The following URB2 variants were observed in gnomAD, a reference collection of about 807,000 sequenced individuals.
URB2 encodes unhealthy ribosome biogenesis protein 2 homolog.
Under a neutral mutation model 120.9 loss-of-function variants are expected in URB2, and 86 were observed. The ratio of observed to expected loss-of-function variants is 0.71; its 90% confidence interval spans 0.60 to 0.85. URB2 has a LOEUF of 0.85. Ranked by LOEUF, URB2 falls within the 40% of genes least tolerant of loss-of-function variation. The probability of loss-of-function intolerance (pLI) is 0.00; values close to 1 mark genes in which losing one functional copy is unlikely to be tolerated. For synonymous variants in URB2, 755 were observed against 758.4 expected, an observed-to-expected ratio of 1.00 and a Z score of 0.07; for missense variants, 1,765 against 1,836.5, an observed-to-expected ratio of 0.96 and a Z score of 0.71.
Position 229,647,037 on chromosome 1 carries a change from C to G in URB2, c.3907-473C>G, listed in dbSNP as rs114539911. On this transcript the variant is annotated intron_variant, in intron 6 of 9. Coordinates refer to ENST00000258243, the MANE Select transcript of URB2 (RefSeq NM_014777.4). ...TGAGCATCAGGAGAGGCACGTGACC[C>G]ATGCTGACGGGCAGGGACAGTGTTG... 3.5e-3 allele frequency among the ~76,000 whole-genome samples: 526 copies of G among 152,310 alleles called. 7 individuals are homozygous for G. The highest frequency in any genetic ancestry group is 0.012 in the African/African-American group (492 of 41,568).
chr1:229,641,009 C>CTTT (rs769502292), intron 4 of URB2, among the ~76,000 whole-genome samples: 3,091 of 115,190 alleles, frequency 0.027, 159 homozygotes, highest in African/African-American at 0.077. Flanking sequence ...GAGGCAATCT[C>CTTT]TTTTTTTTTT....
chr1:229,640,035 T>A (rs1665963591), intron 4 of URB2, among the ~76,000 whole-genome samples: 1 of 152,208 alleles, frequency 6.6e-6, no homozygotes, highest in African/African-American at 2.4e-5. Flanking sequence ...ATTACAGCTA[T>A]ATAAGATATA....
In URB2 at chr1:229,636,029, G is replaced by A. The variant is rs766156241; in HGVS notation, c.1416G>A (p.Glu472=). 4.3e-6 allele frequency: 7 copies of A among 1,613,872 alleles called. No individual in the cohort carries two copies. Among genetic ancestry groups the A allele is most frequent in the Admixed American group, 3.3e-5 (2 of 60,002 alleles). The change falls in exon 4 of 10, where the codon GAG becomes GAA. Residue 472 remains glutamate (E), a synonymous_variant. Transcript: ENST00000258243. ...GACAAGTGCCACGGTTGTTTGAAGA[G>A]GTTTTGGGGGTGATCTGTCGTCCAG... The part of the protein sequence containing the change: ...KLRQVPRLFE[E]VLGVICRPAA...
chr1:229,637,895 G>A lies in URB2; in HGVS notation c.3282G>A (p.Gln1094=). 6.2e-7 allele frequency: 1 copy of A among 1,603,692 alleles called. No homozygotes were observed. The highest frequency in any genetic ancestry group is 1.7e-5 in the Admixed American group (1 of 57,938). Residue 1094 remains glutamine (Q), a synonymous_variant, in exon 4 of 10, where the codon CAG becomes CAA. Coordinates refer to ENST00000258243, the MANE Select transcript of URB2 (RefSeq NM_014777.4). Reference sequence around the variant, plus strand: ...AGCTGCTGCAGCAGGTTGTGCTGCAGACAGGAGCTGTGCTGCAGCTCTGCT... The same window carrying A: ...AGCTGCTGCAGCAGGTTGTGCTGCAAACAGGAGCTGTGCTGCAGCTCTGCT... ...LSELLQQVVL[Q]TGAVLQLCSV...
At position 229,628,134 on chromosome 1, in the gene URB2, TAA is replaced by T. The variant is rs893321531; in HGVS notation, c.126+376_126+377del. Among the ~76,000 whole-genome samples the T allele has an allele frequency of 8.1e-5, 11 of 136,580 alleles. No individual in the cohort carries two copies. The East Asian group carries it at 1.2e-3, about 15-fold the overall frequency. The allele number at this position is 136,580 out of a possible 152,430, so 89.6% of individuals were successfully genotyped here. On this transcript the variant is annotated intron_variant, in intron 2 of 9. Transcript: ENST00000258243. Reference sequence around the variant, plus strand: ...GTATATATATGTATATATACATATATAATATATATATAATATATATAGTATAT... The same window carrying T: ...GTATATATATGTATATATACATATATTATATATATAATATATATAGTATAT...
chr1:229,638,894 G>T (rs1295714953), intron 4 of URB2, among the ~76,000 whole-genome samples: 4 of 152,110 alleles, frequency 2.6e-5, no homozygotes, highest in Non-Finnish European at 4.4e-5. Flanking sequence ...CAGCTTTTTA[G>T]CCTTTAACTT....
chr1:229,642,181 C>T (rs1216036113), intron 4 of URB2, among the ~76,000 whole-genome samples: 2 of 152,210 alleles, frequency 1.3e-5, no homozygotes, highest in East Asian at 1.9e-4. Context: ...CGATGGGACT[C>T]GGTGGAGAGG....
At position 229,637,212 on chromosome 1, in the gene URB2, A is replaced by G; in HGVS notation, c.2599A>G (p.Arg867Gly). Residue 867 changes from arginine (R) to glycine (G), a missense_variant, in exon 4 of 10, where the codon AGA becomes GGA. Transcript: ENST00000258243. The stretch of plus-strand genomic sequence containing the variant: ...AGCTGGACCCGAAGGTATAGAACCT[A>G]GAGGAGAAATTGCCCAGAACTTACT... ...AKAGPEGIEP[R>G]GEIAQNLLSL... 2 of 1,613,858 alleles carry G rather than the reference A, an allele frequency of 1.2e-6. No individual in the cohort carries two copies. The highest frequency in any genetic ancestry group is 8.5e-7 in the Non-Finnish European group (1 of 1,179,768).
At chr1:229,634,809 C>T in intron 3 of URB2, 108 bp from the exon 4 acceptor site, 2 of 1,042,526 alleles carry the variant, frequency 1.9e-6, no homozygotes, top group Non-Finnish European at 2.6e-6. Flanking sequence ...TCTTTCTTAC[C>T]AAGATGAGGG....
intron 8 of URB2, among the ~76,000 whole-genome samples, chr1:229,653,936 G>GTTTTTTTTTT (rs760894683): frequency 1.7e-5 from 1 of 60,560 alleles, no homozygotes; most frequent in Non-Finnish European, 3.2e-5. Flanking sequence ...CCATCTTGGT[G>GTTTTTTTTTT]TTTTTTTTTT....
intron 2 of URB2, among the ~76,000 whole-genome samples, chr1:229,628,177 A>G (rs990253853): frequency 9.7e-5 from 9 of 92,336 alleles, no homozygotes; most frequent in African/African-American, 3.3e-4. Flanking sequence ...GTATATATGT[A>G]TATAATATAT....
chr1:229,647,567 G>A lies in URB2; in HGVS notation c.3964G>A (p.Val1322Ile). The A allele has an allele frequency of 1.2e-6, 2 of 1,614,208 alleles. No individual in the cohort carries two copies. Among genetic ancestry groups the A allele is most frequent in the Non-Finnish European group, 1.7e-6 (2 of 1,180,042 alleles). The stretch of plus-strand genomic sequence containing the variant: ...TGTGTCCCTCACAGTGGTCGGGCCT[G>A]TCTTAGATGTCCTGGCTGCACTGCT... The part of the protein sequence containing the change: ...QPVSLTVVGP[V>I]LDVLAALLRQ... Residue 1322 changes from valine (V) to isoleucine (I), a missense_variant, in exon 7 of 10, where the codon GTC (valine) becomes ATC (isoleucine). By Grantham distance (29) the Val-to-Ile change is conservative. Transcript: ENST00000258243.
At chr1:229,641,009 C>CTTTTTTT (rs769502292) in intron 4 of URB2, among the ~76,000 whole-genome samples, 3 of 115,306 alleles carry the variant, frequency 2.6e-5, no homozygotes, top group East Asian at 2.8e-4. Flanking sequence ...GAGGCAATCT[C>CTTTTTTT]TTTTTTTTTT....
At chr1:229,632,222 T>C in intron 2 of URB2, 47 bp from the exon 3 acceptor site, 1 of 1,474,440 alleles carries the variant, frequency 6.8e-7, no homozygotes, top group South Asian at 1.6e-5. Flanking sequence ...AACATCTTTC[T>C]CTCAGCAAAT....
chr1:229,628,720 C>T (rs1665592604), intron 2 of URB2, among the ~76,000 whole-genome samples: 1 of 152,138 alleles, frequency 6.6e-6, no homozygotes, highest in African/African-American at 2.4e-5. Context: ...AAAGGCATTG[C>T]ATTTTGTTAG....
chr1:229,627,830 G>A (rs1328867191), intron 2 of URB2, 71 bp downstream of exon 2: 7 of 1,485,482 alleles, frequency 4.7e-6, no homozygotes, highest in African/African-American at 1.4e-5. Context: ...TTTGGATATT[G>A]ACAATTGGTT....
chr1:229,660,029 AAAAT>A lies in URB2; in HGVS notation c.*736_*739del, dbSNP rs1444963859. 2.0e-5 allele frequency: 3 copies of A among 152,238 alleles called. No individual in the cohort carries two copies. Among genetic ancestry groups the A allele is most frequent in the African/African-American group, 7.2e-5 (3 of 41,456 alleles). 9.4% of individuals were successfully genotyped at this position (152,238 alleles called of 1,614,324 possible). ...TTTATTATAGCAACCTCAGAAAAGAAAAATAAAAGGATAATTTAAAAAACTCATT... is the reference window on the plus strand; with the variant it reads ...TTTATTATAGCAACCTCAGAAAAGAAAAAAGGATAATTTAAAAAACTCATT... On this transcript the variant is annotated 3_prime_UTR_variant, in exon 10 of 10. Transcript: ENST00000258243.
At chr1:229,644,765 C>T (rs1041497119) in intron 5 of URB2, among the ~76,000 whole-genome samples, 5 of 151,976 alleles carry the variant, frequency 3.3e-5, no homozygotes, top group African/African-American at 4.8e-5. Flanking sequence ...GCACAGCATT[C>T]GGGGAGAAAG....
intron 4 of URB2, among the ~76,000 whole-genome samples, chr1:229,640,501 G>A (rs990555071): frequency 1.5e-4 from 23 of 152,126 alleles, no homozygotes; most frequent in Non-Finnish European, 3.4e-4. Flanking sequence ...TTGAGGTGAG[G>A]TCTGGAAGTC....
Sources: allele counts gnomAD v4.1 joint callset (sites outside exome capture counted in the v4.1 genomes callset), GRCh38; gene constraint gnomAD v4.1.1; transcripts MANE v1.5; gene names NCBI Gene and HGNC (gene_info 2026-07-23, HGNC 2026-07-21).